Variants in XKR9 observed in about 807,000 individuals in gnomAD.
XKR9 encodes XK related 9.
A neutral mutation model predicts 32.0 loss-of-function variants in XKR9; 32 were observed. The ratio of observed to expected loss-of-function variants is 1.00; its 90% CI spans 0.76 to 1.34. XKR9 has a LOEUF of 1.34. Ranked by LOEUF, XKR9 falls within the 40% of genes most tolerant of loss-of-function variation. XKR9 has a pLI of 0.00. For synonymous variants in XKR9, 168 were observed against 143.4 expected, an observed-to-expected ratio of 1.17 and a Z score of -1.22; for missense variants, 546 against 429.7, an observed-to-expected ratio of 1.27 and a Z score of -2.39.
At chr8:70,845,377 G>A in the XKR9 span, among the ~76,000 whole-genome samples, 1 of 151,984 alleles carries the variant, frequency 6.6e-6, no homozygotes, top group Admixed American at 6.6e-5. Flanking sequence ...CAAGAAACAT[G>A]GAAAAGCCGA....
the XKR9 span, among the ~76,000 whole-genome samples, chr8:70,916,531 C>T: frequency 2.0e-5 from 3 of 152,246 alleles, no homozygotes; most frequent in South Asian, 6.2e-4. Context: ...TAAAAAACTA[C>T]CCTATTTTAA....
chr8:70,829,030 G>C, the XKR9 span, among the ~76,000 whole-genome samples: 2 of 152,132 alleles, frequency 1.3e-5, no homozygotes, highest in Non-Finnish European at 2.9e-5. Flanking sequence ...GAGAGTCATG[G>C]TAACATTTAC....
At chr8:70,998,332 C>G in the XKR9 span, among the ~76,000 whole-genome samples, 1 of 152,178 alleles carries the variant, frequency 6.6e-6, no homozygotes, top group Non-Finnish European at 1.5e-5. Flanking sequence ...TTAGCATGCT[C>G]TTTGGTGAAG....
the XKR9 span, among the ~76,000 whole-genome samples, chr8:70,814,723 G>A: frequency 9.9e-5 from 15 of 152,244 alleles, no homozygotes; most frequent in South Asian, 2.7e-3. Flanking sequence ...GTTCAACATT[G>A]CTAGTACTGG....
At chr8:70,744,493 A>G (rs1293175591) in intron 2 of XKR9, among the ~76,000 whole-genome samples, 2 of 152,214 alleles carry the variant, frequency 1.3e-5, no homozygotes, top group Non-Finnish European at 2.9e-5. Flanking sequence ...GCCAAAGTCC[A>G]CACAGATCCA....
chr8:70,707,662 T>C (rs1218707561), intron 4 of XKR9, among the ~76,000 whole-genome samples: 1 of 152,066 alleles, frequency 6.6e-6, no homozygotes, highest in Non-Finnish European at 1.5e-5. Context: ...ATCTTATGCA[T>C]AAATCACTTG....
the XKR9 span, among the ~76,000 whole-genome samples, chr8:71,025,457 T>C: frequency 1.6e-3 from 238 of 152,348 alleles, 1 homozygote; most frequent in Non-Finnish European, 8.2e-4. Flanking sequence ...TGCAAACATA[T>C]TCTTACAATT....
rs904425978 is a variant in XKR9 at position 70,671,576 on chromosome 8, A to C, written c.-361+2038A>C. On this transcript the variant is annotated intron_variant, in intron 1 of 4. Coordinates refer to ENST00000408926, the MANE Select transcript of XKR9 (RefSeq NM_001011720.2). The stretch of plus-strand genomic sequence containing the variant: ...TCAATTCCCACCTATGAGTGAGAAT[A>C]TGCGGTGTTTGGTTTTTTGTTCTTG... Among the ~76,000 whole-genome samples, 6 of 84,540 alleles carry C rather than the reference A, an allele frequency of 7.1e-5. 1 individual carries two copies. Among genetic ancestry groups the C allele is most frequent in the African/African-American group, 2.2e-4 (6 of 27,666 alleles). The allele number at this position is 84,540 out of a possible 152,430, so 55.5% of individuals were successfully genotyped here.
chr8:70,964,150 A>T, the XKR9 span, among the ~76,000 whole-genome samples: 1 of 152,060 alleles, frequency 6.6e-6, no homozygotes, highest in Non-Finnish European at 1.5e-5. Context: ...TGTATAAGGT[A>T]TAAGAATGGG....
intron 2 of XKR9, among the ~76,000 whole-genome samples, chr8:70,744,410 C>G (rs1356187002): frequency 3.3e-5 from 5 of 152,064 alleles, no homozygotes; most frequent in African/African-American, 1.2e-4. Context: ...CTGATAAAAA[C>G]TGCAATATAG....
chr8:70,938,142 C>T, the XKR9 span, among the ~76,000 whole-genome samples: 2 of 151,968 alleles, frequency 1.3e-5, no homozygotes, highest in African/African-American at 4.8e-5. Flanking sequence ...AGTGATGTCT[C>T]CAGGAGAAGC....
At chr8:70,730,774 T>G (rs35115527) in intron 4 of XKR9, among the ~76,000 whole-genome samples, 1 of 152,000 alleles carries the variant, frequency 6.6e-6, no homozygotes, top group East Asian at 1.9e-4. Flanking sequence ...AAAACAAAGC[T>G]TTAGCTACTG....
chr8:70,671,065 G>A (rs1035479344), intron 1 of XKR9, among the ~76,000 whole-genome samples: 5 of 152,110 alleles, frequency 3.3e-5, no homozygotes, highest in African/African-American at 1.2e-4. Context: ...ACAGGGTCTG[G>A]CTTTCACCCG....
chr8:70,852,138 C>G, the XKR9 span, among the ~76,000 whole-genome samples: 1 of 152,202 alleles, frequency 6.6e-6, no homozygotes, highest in African/African-American at 2.4e-5. Context: ...TGAACAGATA[C>G]TTTTCAAAGA....
the XKR9 span, among the ~76,000 whole-genome samples, chr8:70,998,156 T>C: frequency 6.6e-6 from 1 of 152,250 alleles, no homozygotes; most frequent in Admixed American, 6.5e-5. Context: ...AGAGCCATTT[T>C]TCTCAGTTAG....
At chr8:70,886,297 G>C in the XKR9 span, among the ~76,000 whole-genome samples, 1 of 152,132 alleles carries the variant, frequency 6.6e-6, no homozygotes, top group Non-Finnish European at 1.5e-5. Context: ...TCATTGATGG[G>C]CATTTGGGTT....
At chr8:70,879,305 G>A in the XKR9 span, among the ~76,000 whole-genome samples, 2 of 151,806 alleles carry the variant, frequency 1.3e-5, no homozygotes, top group Non-Finnish European at 2.9e-5. Flanking sequence ...ATAACTAAGA[G>A]CAGAGCAGAA....
chr8:71,013,745 A>G, the XKR9 span, among the ~76,000 whole-genome samples: 1 of 152,112 alleles, frequency 6.6e-6, no homozygotes, highest in Non-Finnish European at 1.5e-5. Flanking sequence ...GGGGGTTCAG[A>G]GCCCCTTGTG....
the XKR9 span, among the ~76,000 whole-genome samples, chr8:70,798,787 G>T: frequency 6.6e-6 from 1 of 152,152 alleles, no homozygotes; most frequent in Non-Finnish European, 1.5e-5. Flanking sequence ...TATCCTAGCA[G>T]CATTTATTGA....
Sources: allele counts gnomAD v4.1 joint callset (sites outside exome capture counted in the v4.1 genomes callset), GRCh38; gene constraint gnomAD v4.1.1; transcripts MANE v1.5; gene names NCBI Gene and HGNC (gene_info 2026-07-23, HGNC 2026-07-21).